Variants in AKAP7 observed in about 807,000 individuals in gnomAD.
AKAP7 encodes A kinase (PRKA) anchor protein 7.
A neutral mutation model predicts 39.5 loss-of-function variants in AKAP7; 39 were observed. The observed-to-expected ratio is 0.99, with a 90% CI of 0.76 to 1.29. AKAP7 has a LOEUF of 1.29. Among genes scored for constraint, AKAP7 ranks in the 50% most tolerant of loss-of-function variants. The pLI is 0.00. For missense variants in AKAP7, 414 were observed against 407.7 expected (o/e 1.02, Z -0.13); for synonymous variants, 140 against 139.1 (o/e 1.01, Z -0.05).
chr6:131,126,847 A>C, the AKAP7 span, among the ~76,000 whole-genome samples: 1 of 152,220 alleles, frequency 6.6e-6, no homozygotes, highest in Admixed American at 6.5e-5. Context: ...TTAATGGCTA[A>C]GTGGCTGCCT....
chr6:131,164,190 C>T, intron 3 of AKAP7: 1 of 316,062 alleles, frequency 3.2e-6, no homozygotes, highest in South Asian at 2.7e-5. Flanking sequence ...CCCACTCTTT[C>T]CCTTTTTTTC....
chr6:131,231,534 G>A (rs1006273190), intron 7 of AKAP7, among the ~76,000 whole-genome samples: 8 of 152,084 alleles, frequency 5.3e-5, no homozygotes, highest in African/African-American at 1.9e-4. Flanking sequence ...AAACTTAGCA[G>A]TTAGAAATTT....
At chr6:131,237,856 G>T (rs1207444434) in intron 7 of AKAP7, among the ~76,000 whole-genome samples, 6 of 152,062 alleles carry the variant, frequency 3.9e-5, no homozygotes, top group Non-Finnish European at 8.8e-5. Flanking sequence ...CCAAAAACCA[G>T]CTCCTGGATT....
chr6:131,234,317 G>A (rs1019378122), intron 7 of AKAP7, among the ~76,000 whole-genome samples: 9 of 152,110 alleles, frequency 5.9e-5, no homozygotes, highest in African/African-American at 2.2e-4. Flanking sequence ...ACTTTGTAGT[G>A]GGAAGTCATG....
chr6:131,283,421 C>G lies in AKAP7; in HGVS notation c.*1695C>G, dbSNP rs1815347366. The G allele has an allele frequency of 3.3e-5, 5 of 152,346 alleles. No homozygotes were observed. The South Asian group carries it at 8.3e-4, about 25-fold the overall frequency. The allele number at this position is 152,346 out of a possible 1,614,324, so 9.4% of individuals were successfully genotyped here. A position where few individuals can be genotyped will look rare whatever the true frequency, so the allele number is the denominator to read the frequency against. ...TGTAAAATCATTTCAAATATAAAATCCAGTTTACTCATGGATTTTAGCTAT... is the reference window on the plus strand; with the variant it reads ...TGTAAAATCATTTCAAATATAAAATGCAGTTTACTCATGGATTTTAGCTAT... On this transcript the variant is annotated 3_prime_UTR_variant, in exon 8 of 8. Transcript: ENST00000431975.
chr6:131,173,466 T>C (rs1179330810), intron 5 of AKAP7, among the ~76,000 whole-genome samples: 1 of 152,230 alleles, frequency 6.6e-6, no homozygotes, highest in Admixed American at 6.5e-5. Context: ...TGTCTCATTT[T>C]CTTTATTTTA....
At chr6:131,241,577 A>ATATATGTGTG (rs1349874555) in intron 7 of AKAP7, among the ~76,000 whole-genome samples, 71 of 81,202 alleles carry the variant, frequency 8.7e-4, no homozygotes, top group Non-Finnish European at 9.5e-4. Context: ...GATTATATAT[A>ATATATGTGTG]TGTGTGTGTG....
At chr6:131,259,130 G>A (rs1408609771) in intron 7 of AKAP7, among the ~76,000 whole-genome samples, 2 of 152,224 alleles carry the variant, frequency 1.3e-5, no homozygotes, top group African/African-American at 4.8e-5. Context: ...GCTTCAGTTT[G>A]ATGTCTCATA....
intron 6 of AKAP7, among the ~76,000 whole-genome samples, chr6:131,213,486 A>G (rs1424681363): frequency 6.6e-6 from 1 of 152,224 alleles, no homozygotes; most frequent in East Asian, 1.9e-4. Flanking sequence ...CAGAACATGT[A>G]CCAAAGAGCA....
At chr6:131,193,735 T>C (rs1468188081) in intron 5 of AKAP7, among the ~76,000 whole-genome samples, 1 of 152,126 alleles carries the variant, frequency 6.6e-6, no homozygotes, top group Non-Finnish European at 1.5e-5. Context: ...TCATTTGTTA[T>C]TGGTCTGTTC....
At chr6:131,187,292 A>G (rs1805959689) in intron 5 of AKAP7, among the ~76,000 whole-genome samples, 1 of 151,980 alleles carries the variant, frequency 6.6e-6, no homozygotes, top group Admixed American at 6.6e-5. Context: ...ATTTTCTTTA[A>G]TTTCTTTTAG....
intron 6 of AKAP7, among the ~76,000 whole-genome samples, chr6:131,219,189 C>G (rs977312670): frequency 6.6e-6 from 1 of 150,718 alleles, no homozygotes; most frequent in Non-Finnish European, 1.5e-5. Flanking sequence ...ACTCAGGAGC[C>G]TGAGGGAGGA....
chr6:131,263,167 A>G (rs1813497847), intron 7 of AKAP7, among the ~76,000 whole-genome samples: 1 of 152,202 alleles, frequency 6.6e-6, no homozygotes, highest in African/African-American at 2.4e-5. Flanking sequence ...AGAAGGGAAA[A>G]TGTAATGGCT....
intron 7 of AKAP7, among the ~76,000 whole-genome samples, chr6:131,260,037 A>G (rs919006324): frequency 2.5e-4 from 38 of 151,976 alleles, no homozygotes; most frequent in Admixed American, 2.4e-3. Context: ...CTTGTAAGTG[A>G]GAACATGTGG....
chr6:131,149,313 A>G (rs913576865), intron 2 of AKAP7, among the ~76,000 whole-genome samples: 2 of 152,238 alleles, frequency 1.3e-5, no homozygotes, highest in African/African-American at 4.8e-5. Context: ...TAAAATATCC[A>G]AATGCATGTA....
chr6:131,141,466 A>G (rs1801015405), intron 1 of AKAP7, among the ~76,000 whole-genome samples: 2 of 152,190 alleles, frequency 1.3e-5, no homozygotes, highest in African/African-American at 2.4e-5. Flanking sequence ...TTCTTTAGTA[A>G]TTACCCAGCC....
At chr6:131,221,782 A>G (rs995121124) in intron 7 of AKAP7, among the ~76,000 whole-genome samples, 7 of 152,208 alleles carry the variant, frequency 4.6e-5, no homozygotes, top group African/African-American at 1.4e-4. Flanking sequence ...AGCATGGTTT[A>G]CTGAGTATTT....
rs771579191 is a variant in AKAP7, at chr6:131,253,118, T to C, written c.851-28412T>C. ...AGTTGGTCAAGTGGTAAGAGTCAAG[T>C]GACCCCTCCCCTCTCCTGCTGCTAT... On this transcript the variant is annotated intron_variant, in intron 7 of 7. Transcript: ENST00000431975. The C allele has an allele frequency of 2.5e-6, 4 of 1,610,680 alleles. No homozygotes were observed. The East Asian group carries it at 6.7e-5, about 27-fold the overall frequency.
chr6:131,143,729 A>G (rs1057381945), intron 1 of AKAP7, among the ~76,000 whole-genome samples: 4 of 145,228 alleles, frequency 2.8e-5, no homozygotes, highest in African/African-American at 1.1e-4. Flanking sequence ...GCCATGTTGT[A>G]GCCATATTCT....
Sources: allele counts gnomAD v4.1 joint callset (sites outside exome capture counted in the v4.1 genomes callset), GRCh38; gene constraint gnomAD v4.1.1; transcripts MANE v1.5; gene names NCBI Gene and HGNC (gene_info 2026-07-23, HGNC 2026-07-21).